TRIP12: variants seen among roughly 807,000 people sequenced by gnomAD.
TRIP12 encodes E3 ubiquitin-protein ligase TRIP12.
Under a neutral mutation model 244.2 loss-of-function variants are expected in TRIP12, and 25 were observed. The observed-to-expected ratio is 0.10, with a 90% CI of 0.07 to 0.14. The LOEUF (loss-of-function observed/expected upper bound fraction) is 0.14. Ranked by LOEUF, TRIP12 falls within the 10% of genes least tolerant of loss-of-function variation. The pLI is 1.00. For missense variants in TRIP12, 1,677 were observed against 2,486.4 expected (o/e 0.67, Z 6.92); for synonymous variants, 905 against 873.1 (o/e 1.04, Z -0.64).
chr2:229,848,247 G>GGAATTACCA (rs1402776256), intron 4 of TRIP12, among the ~76,000 whole-genome samples: 1 of 151,922 alleles, frequency 6.6e-6, no homozygotes, highest in Non-Finnish European at 1.5e-5. Context: ...GAGACAACCA[G>GGAATTACCA]GAATTACCAG....
chr2:229,898,526 A>C (rs2069574870), intron 1 of TRIP12, among the ~76,000 whole-genome samples: 1 of 152,136 alleles, frequency 6.6e-6, no homozygotes, highest in Non-Finnish European at 1.5e-5. Context: ...CAGTCGCCTG[A>C]CTCTCAGGCC....
chr2:229,805,698 T>C, intron 18 of TRIP12, 32 bp downstream of exon 18: 1 of 1,533,948 alleles, frequency 6.5e-7, no homozygotes, highest in Non-Finnish European at 8.9e-7. Context: ...TGCACAATAG[T>C]ATAGTGCTAT....
Position 229,777,390 on chromosome 2 carries a change from T to G in TRIP12, c.5454A>C (p.Pro1818=). ...GGTGATAAACTGATCTGGCTACAAC[T>G]GGGTCGATGTCAAACAAATCGTGTG... ...LTSHDLFDID[P]VVARSVYHLE... The change falls in exon 37 of 42, where the codon CCA becomes CCC. Residue 1818 remains proline (P), a synonymous_variant. Transcript: ENST00000675903. The G allele has an allele frequency of 6.2e-7, 1 of 1,613,974 alleles. No individual in the cohort carries two copies. The highest frequency in any genetic ancestry group is 8.5e-7 in the Non-Finnish European group (1 of 1,179,888).
chr2:229,893,493 ATT>A (rs11420266), intron 1 of TRIP12, among the ~76,000 whole-genome samples: 11 of 148,518 alleles, frequency 7.4e-5, no homozygotes, highest in East Asian at 5.9e-4. Context: ...TACTGTTCTA[ATT>A]TTTTTTTTTT....
intron 2 of TRIP12, among the ~76,000 whole-genome samples, chr2:229,863,408 A>G (rs537199337): frequency 6.6e-6 from 1 of 152,288 alleles, no homozygotes; most frequent in African/African-American, 2.4e-5. Context: ...GACTTAATAC[A>G]TTTTCCATAA....
rs1270854024 is a variant in TRIP12 at position 229,766,197 on chromosome 2, C to T, written c.*1357G>A. ...TTTATGCCACAGGCCTAGTTTTGGA[C>T]CTTAGGAAGGAATCTCCTCCCATTT... On this transcript the variant is annotated 3_prime_UTR_variant, in exon 42 of 42. Coordinates refer to ENST00000675903, the MANE Select transcript of TRIP12 (RefSeq NM_001348323.3). 6.6e-6 allele frequency: 1 copy of T among 151,904 alleles called. No homozygotes were observed. Among genetic ancestry groups the T allele is most frequent in the African/African-American group, 2.4e-5 (1 of 41,350 alleles). The allele number at this position is 151,904 out of a possible 1,614,324, so 9.4% of individuals were successfully genotyped here. A position where few individuals can be genotyped will look rare whatever the true frequency, so the allele number is the denominator to read the frequency against.
rs1320044700 is a variant in TRIP12 at position 229,829,850 on chromosome 2, G to T, written c.1355-562C>A. Reference sequence around the variant, plus strand: ...TGTAATTCTAGCTACTCAGGAGGATGAAGCAGGAGAATCATTTGAACACGG... The same window carrying T: ...TGTAATTCTAGCTACTCAGGAGGATTAAGCAGGAGAATCATTTGAACACGG... On this transcript the variant is annotated intron_variant, in intron 7 of 41. Coordinates refer to ENST00000675903, the MANE Select transcript of TRIP12 (RefSeq NM_001348323.3). 2.0e-5 allele frequency among the ~76,000 whole-genome samples: 3 copies of T among 152,178 alleles called. No individual in the cohort carries two copies. The East Asian group carries it at 5.8e-4, about 29-fold the overall frequency.
intron 1 of TRIP12, among the ~76,000 whole-genome samples, chr2:229,880,612 A>G (rs923850655): frequency 6.6e-6 from 1 of 152,220 alleles, no homozygotes; most frequent in African/African-American, 2.4e-5. Context: ...TGTCTTCTTC[A>G]CAGTATTGTT....
chr2:229,803,936 T>C (rs2045167041), intron 19 of TRIP12, 63 bp downstream of exon 19: 4 of 1,412,242 alleles, frequency 2.8e-6, no homozygotes, highest in Middle Eastern at 2.1e-4. Context: ...ACTTTAGAGG[T>C]TTCTGAAATT....
At chr2:229,878,932 C>G (rs2064233119) in intron 2 of TRIP12, among the ~76,000 whole-genome samples, 1 of 151,758 alleles carries the variant, frequency 6.6e-6, no homozygotes, top group East Asian at 1.9e-4. Flanking sequence ...TGGTTATGGC[C>G]GCAAACTGCT....
intron 15 of TRIP12, among the ~76,000 whole-genome samples, chr2:229,810,586 A>C (rs977348282): frequency 6.6e-6 from 1 of 152,166 alleles, no homozygotes; most frequent in African/African-American, 2.4e-5. Context: ...TAAAACTCAG[A>C]ATTCTCCTAA....
chr2:229,869,867 CAT>C (rs1259810325), intron 2 of TRIP12, among the ~76,000 whole-genome samples: 8 of 152,324 alleles, frequency 5.3e-5, no homozygotes, highest in Non-Finnish European at 1.2e-4. Flanking sequence ...TTAGCACACA[CAT>C]ACTCTTTGCT....
At position 229,789,662 on chromosome 2, in the gene TRIP12, A is replaced by G; in HGVS notation, c.4644T>C (p.Leu1548=). Residue 1548 remains leucine (L), a synonymous_variant, in exon 31 of 42, where the codon CTT becomes CTC. Coordinates refer to ENST00000675903, the MANE Select transcript of TRIP12 (RefSeq NM_001348323.3). ...TFEDPSLDVI[L]LLRVLHAISR... ...TGATAGCATGTAAAACTCTTAAAAG[A>G]AGGATCACATCTAATGACGGGTCTT... 1 of 1,614,058 alleles carries G rather than the reference A, an allele frequency of 6.2e-7. No homozygotes were observed.
At chr2:229,835,387 A>T (rs902386840) in intron 6 of TRIP12, among the ~76,000 whole-genome samples, 2 of 152,168 alleles carry the variant, frequency 1.3e-5, no homozygotes, top group Non-Finnish European at 2.9e-5. Flanking sequence ...TAAATAGGGG[A>T]ACAAAATTTT....
rs574754664 is a variant in TRIP12 at position 229,780,721 on chromosome 2, T to A, written c.5095-1731A>T. On this transcript the variant is annotated intron_variant, in intron 34 of 41. Transcript: ENST00000675903. ...CCACTCAAATGTCCTCAGACTGCCC[T>A]ACGCATCCCCATAATGCTTCATCCT... Among the ~76,000 whole-genome samples, 3 of 152,324 alleles carry A rather than the reference T, an allele frequency of 2.0e-5. No individual in the cohort carries two copies. In the East Asian group the frequency reaches 5.8e-4, roughly 29 times the overall value.
At chr2:229,809,539 A>T (rs182222680) in intron 15 of TRIP12, among the ~76,000 whole-genome samples, 12 of 152,336 alleles carry the variant, frequency 7.9e-5, no homozygotes, top group South Asian at 4.1e-4. Flanking sequence ...GCTGTAACAA[A>T]ACATACATTA....
In TRIP12 at chr2:229,859,186, A is replaced by G; in HGVS notation, c.613T>C (p.Ser205Pro). 3 of 1,613,972 alleles carry G rather than the reference A, an allele frequency of 1.9e-6. No homozygotes were observed. The highest frequency in any genetic ancestry group is 2.5e-6 in the Non-Finnish European group (3 of 1,179,996). Residue 205 changes from serine (S) to proline (P), a missense_variant, in exon 4 of 42, where the codon TCT becomes CCT. Ser to Pro is a moderately conservative substitution (Grantham distance 74). Coordinates refer to ENST00000675903, the MANE Select transcript of TRIP12 (RefSeq NM_001348323.3). ...ESSCVKSGSG[S>P]ESTGAEERSA... ...CTCTCTTCTGCACCAGTTGATTCAG[A>G]CCCGGAGCCACTCTTTACACAAGAA...
chr2:229,880,230 A>C, intron 1 of TRIP12, 102 bp from the exon 2 acceptor site: 1 of 713,818 alleles, frequency 1.4e-6, no homozygotes. Flanking sequence ...TCTGCAAACT[A>C]TCTGATTTTA....
intron 4 of TRIP12, among the ~76,000 whole-genome samples, chr2:229,857,873 G>C (rs1284464633): frequency 4.6e-5 from 7 of 152,136 alleles, no homozygotes; most frequent in Non-Finnish European, 5.9e-5. Context: ...TAAACTTTTA[G>C]AGAGCAATAT....
Sources: gnomAD v4.1 joint callset for allele counts (sites outside exome capture counted in the v4.1 genomes callset) on GRCh38, gnomAD v4.1.1 for gene constraint, MANE v1.5 for transcripts, NCBI Gene and HGNC (gene_info 2026-07-23, HGNC 2026-07-21) for gene names.